Variants in PCDH15 observed in about 807,000 individuals in gnomAD.
The protein encoded by PCDH15 is protocadherin related 15.
A neutral mutation model predicts 178.5 loss-of-function variants in PCDH15; 129 were observed. The observed-to-expected ratio is 0.72, with a 90% CI of 0.63 to 0.84. PCDH15 has a LOEUF of 0.84. Ranked by LOEUF, PCDH15 falls within the 40% of genes least tolerant of loss-of-function variation. PCDH15 has a pLI of 0.00. For synonymous variants in PCDH15, 800 were observed against 732.0 expected (o/e 1.09, Z -1.50); for missense variants, 2,230 against 2,099.9 (o/e 1.06, Z -1.21).
intron 1 of PCDH15, among the ~76,000 whole-genome samples, chr10:54,737,687 T>C (rs1944292884): frequency 6.7e-6 from 1 of 148,720 alleles, no homozygotes; most frequent in Non-Finnish European, 1.5e-5. Flanking sequence ...AAGATTTTAG[T>C]CAAACTTTGA....
intron 9 of PCDH15, among the ~76,000 whole-genome samples, chr10:54,227,050 G>T (rs2053536230): frequency 6.6e-6 from 1 of 152,158 alleles, no homozygotes; most frequent in Non-Finnish European, 1.5e-5. Flanking sequence ...TTTTCCAGAG[G>T]TACTGTGTAA....
chr10:55,012,636 G>T (rs1840072549), intron 2 of PCDH15, among the ~76,000 whole-genome samples: 1 of 151,998 alleles, frequency 6.6e-6, no homozygotes, highest in Admixed American at 6.6e-5. Context: ...TTCAGTGTTT[G>T]TCAGAGCCAC....
chr10:55,478,248 A>T (rs944428132), intron 2 of PCDH15, among the ~76,000 whole-genome samples: 6 of 151,782 alleles, frequency 4.0e-5, no homozygotes, highest in African/African-American at 1.5e-4. Flanking sequence ...ACTGTTCTGC[A>T]ATGGATTGAT....
chr10:54,989,833 A>G (rs1159086923), intron 2 of PCDH15, among the ~76,000 whole-genome samples: 2 of 152,166 alleles, frequency 1.3e-5, no homozygotes, highest in Non-Finnish European at 2.9e-5. Context: ...GTTTCCCCAC[A>G]CAAATCTCAT....
At chr10:55,031,114 C>T (rs2131966178) in intron 2 of PCDH15, among the ~76,000 whole-genome samples, 1 of 152,142 alleles carries the variant, frequency 6.6e-6, no homozygotes, top group Non-Finnish European at 1.5e-5. Flanking sequence ...TTATACCTGC[C>T]TTGTATAGTT....
chr10:54,284,689 T>A (rs2058925752), intron 8 of PCDH15, among the ~76,000 whole-genome samples: 1 of 152,138 alleles, frequency 6.6e-6, no homozygotes, highest in Non-Finnish European at 1.5e-5. Context: ...CCCATTGTGG[T>A]CAAATTGACC....
At chr10:55,393,141 A>C in intron 2 of PCDH15, among the ~76,000 whole-genome samples, 1 of 152,122 alleles carries the variant, frequency 6.6e-6, no homozygotes, top group Admixed American at 6.6e-5. Context: ...GGGGCTTTAA[A>C]TATAACACCA....
intron 25 of PCDH15, among the ~76,000 whole-genome samples, chr10:53,936,994 G>A (rs952299857): frequency 6.6e-6 from 1 of 152,144 alleles, no homozygotes; most frequent in South Asian, 2.1e-4. Flanking sequence ...AGGAGGCAAA[G>A]GTCAATCATA....
At chr10:54,231,798 G>T (rs2054104553) in intron 9 of PCDH15, among the ~76,000 whole-genome samples, 1 of 152,278 alleles carries the variant, frequency 6.6e-6, no homozygotes, top group African/African-American at 2.4e-5. Flanking sequence ...TGCCCTCCTG[G>T]GTTTTGGACT....
chr10:54,785,002 A>G (rs1950710369), intron 1 of PCDH15, among the ~76,000 whole-genome samples: 1 of 151,908 alleles, frequency 6.6e-6, no homozygotes, highest in Non-Finnish European at 1.5e-5. Context: ...GCCCCAAGAC[A>G]TCCCTGACCA....
intron 2 of PCDH15, among the ~76,000 whole-genome samples, chr10:54,990,386 C>A (rs1490763543): frequency 6.6e-6 from 1 of 152,054 alleles, no homozygotes; most frequent in African/African-American, 2.4e-5. Context: ...GTCCCCTAAG[C>A]ATTTTACAGT....
At chr10:53,822,505 A>T (rs767967878) in intron 32 of PCDH15, 1 of 1,612,178 alleles carries the variant, frequency 6.2e-7, no homozygotes, top group South Asian at 1.1e-5. Context: ...GCAGAAGGAG[A>T]GATGTTTGGT....
At chr10:55,058,835 G>C (rs1264168358) in intron 2 of PCDH15, among the ~76,000 whole-genome samples, 1 of 152,050 alleles carries the variant, frequency 6.6e-6, no homozygotes, top group Non-Finnish European at 1.5e-5. Context: ...TGGATGGATT[G>C]AACTTCACAA....
chr10:53,902,966 C>T (rs1265996545), intron 26 of PCDH15, among the ~76,000 whole-genome samples: 2 of 151,946 alleles, frequency 1.3e-5, no homozygotes, highest in African/African-American at 4.8e-5. Context: ...GAATACAAAC[C>T]ATTAAGAAAA....
chr10:55,068,847 G>A (rs911707323), intron 2 of PCDH15, among the ~76,000 whole-genome samples: 5 of 151,508 alleles, frequency 3.3e-5, no homozygotes, highest in Non-Finnish European at 7.4e-5. Context: ...TTATGAGTAA[G>A]TTCTCTTTTT....
At chr10:55,279,339 G>C (rs1468366699) in intron 1 of PCDH15, among the ~76,000 whole-genome samples, 1 of 152,134 alleles carries the variant, frequency 6.6e-6, no homozygotes, top group Non-Finnish European at 1.5e-5. Context: ...ATTCAGAAAA[G>C]TACAGCAAGG....
intron 3 of PCDH15, among the ~76,000 whole-genome samples, chr10:54,392,468 CAAA>C (rs71007849): frequency 1.2e-4 from 8 of 66,118 alleles, no homozygotes; most frequent in Admixed American, 2.9e-4. Flanking sequence ...GAGGCTGTCT[CAAA>C]AAAAAAAAAA....
chr10:54,938,139 T>C (rs1007071199), intron 2 of PCDH15, among the ~76,000 whole-genome samples: 1 of 152,130 alleles, frequency 6.6e-6, no homozygotes, highest in African/African-American at 2.4e-5. Flanking sequence ...TAAACTATCA[T>C]TAGATTTCTG....
chr10:54,498,498 T>C (rs2080340412), intron 3 of PCDH15, among the ~76,000 whole-genome samples: 1 of 152,048 alleles, frequency 6.6e-6, no homozygotes. Flanking sequence ...GAATGGCAAG[T>C]TGGATAAAGA....
Sources: allele counts gnomAD v4.1 joint callset (sites outside exome capture counted in the v4.1 genomes callset), GRCh38; gene constraint gnomAD v4.1.1; transcripts MANE v1.5; gene names NCBI Gene and HGNC (gene_info 2026-07-23, HGNC 2026-07-21).